Variants in PLAGL1 observed in about 807,000 individuals in gnomAD.
The protein encoded by PLAGL1 is PLAG1 like zinc finger 1.
PLAGL1 carries 1 observed loss-of-function variant against 4.6 expected under a neutral mutation model. The observed-to-expected ratio is 0.22, with a 90% confidence interval of 0.08 to 1.03. PLAGL1 has a LOEUF of 1.03. PLAGL1 is among the 50% of genes least tolerant of loss of function. The probability of loss-of-function intolerance (pLI) is 0.58; values close to 1 mark genes in which losing one functional copy is unlikely to be tolerated. For synonymous variants in PLAGL1, 240 were observed against 237.8 expected (o/e 1.01, Z -0.08); for missense variants, 464 against 570.4 (o/e 0.81, Z 1.90).
intron 1 of PLAGL1, among the ~76,000 whole-genome samples, chr6:143,988,445 G>C (rs903642404): frequency 6.6e-6 from 1 of 152,198 alleles, no homozygotes; most frequent in African/African-American, 2.4e-5. Flanking sequence ...CTTCATCAGA[G>C]GTTCTGGAGG....
At chr6:143,946,412 C>A (rs998881141) in intron 7 of PLAGL1, among the ~76,000 whole-genome samples, 2 of 152,202 alleles carry the variant, frequency 1.3e-5, no homozygotes, top group African/African-American at 4.8e-5. Flanking sequence ...TTACCCTCCG[C>A]ACACGCAAGA....
rs757399152 is a variant in PLAGL1 at position 143,941,485 on chromosome 6, T to C, written c.1331A>G (p.His444Arg). The C allele has an allele frequency of 1.2e-5, 18 of 1,521,246 alleles. No homozygotes were observed. The highest frequency in any genetic ancestry group is 1.4e-5 in the Non-Finnish European group (16 of 1,136,112). The allele number at this position is 1,521,246 out of a possible 1,614,324, so 94.2% of individuals were successfully genotyped here. Residue 444 changes from histidine to arginine, a missense_variant, in exon 8 of 8, where the codon CAT (histidine) becomes CGT (arginine). By Grantham distance (29) the His-to-Arg change is conservative. Around this residue, in one of 4 missense-constraint regions of PLAGL1, gnomAD observed 20 missense variants for 46.3 expected, o/e 0.43. Transcript: ENST00000674357. This position sits in a 1 kb window ranked among gnomAD's most constrained non-coding sequence, Gnocchi z 6.0. ...LGQLPLPPIPHVFSAGTGSAI... is the reference protein window; with the variant it reads ...LGQLPLPPIPRVFSAGTGSAI... ...AGAGCCAGTGCCAGCTGAGAACACA[T>C]GAGGGATGGGGGGCAGGGGGAGCTG...
In PLAGL1 at chr6:143,940,729, A is replaced by ATTTTTTTTTTTTTT. The variant is rs35981443; in HGVS notation, c.*681_*694dup. 6.8e-6 allele frequency: 1 copy of ATTTTTTTTTTTTTT among 147,360 alleles called. No individual in the cohort carries two copies. The highest frequency in any genetic ancestry group is 2.5e-5 in the African/African-American group (1 of 40,092). 9.1% of individuals were successfully genotyped at this position (147,360 alleles called of 1,614,324 possible). On this transcript the variant is annotated 3_prime_UTR_variant, in exon 8 of 8. Coordinates refer to ENST00000674357, the MANE Select transcript of PLAGL1 (RefSeq NM_001317162.2). ...TACCACTTAACCTGGTTACACAGTG[A>ATTTTTTTTTTTTTT]TTTTTTTTTTTTTTCTGTCAGATGT...
At chr6:144,041,889 T>C (rs1797764794) in intron 1 of PLAGL1, among the ~76,000 whole-genome samples, 1 of 152,232 alleles carries the variant, frequency 6.6e-6, no homozygotes, top group South Asian at 2.1e-4. Context: ...TGGTGTGAGA[T>C]GGTATCTCAT....
rs1367976366 is a variant in PLAGL1, at chr6:143,949,259, T to C, written c.-324-799A>G. On this transcript the variant is annotated intron_variant, in intron 6 of 7. Coordinates refer to ENST00000674357, the MANE Select transcript of PLAGL1 (RefSeq NM_001317162.2). The surrounding 1 kb of genome is among the most constrained non-coding windows in gnomAD (Gnocchi z 5.3). ...GGCCTACTGCCTCCTCAAACCCAACTTGTCTCAAACCCAAATCATTATCAT... is the reference window on the plus strand; with the variant it reads ...GGCCTACTGCCTCCTCAAACCCAACCTGTCTCAAACCCAAATCATTATCAT... Among the ~76,000 whole-genome samples, 2 of 151,980 alleles carry C rather than the reference T, an allele frequency of 1.3e-5. No individual in the cohort carries two copies. Among genetic ancestry groups the C allele is most frequent in the Non-Finnish European group, 2.9e-5 (2 of 68,020 alleles).
intron 1 of PLAGL1, among the ~76,000 whole-genome samples, chr6:144,033,532 A>G (rs1796989529): frequency 6.6e-6 from 1 of 152,248 alleles, no homozygotes; most frequent in South Asian, 2.1e-4. Flanking sequence ...GGTACCAGTG[A>G]GAGTTCAGAA....
At chr6:143,956,031 A>G (rs1782048974) in intron 6 of PLAGL1, among the ~76,000 whole-genome samples, 1 of 152,244 alleles carries the variant, frequency 6.6e-6, no homozygotes. Flanking sequence ...CATTCGGGCC[A>G]GCAAGGAGAC....
In PLAGL1 at chr6:143,964,839, A is replaced by G. The variant is rs1784108333; in HGVS notation, c.-430-21T>C. Reference sequence around the variant, plus strand: ...AATACCTAGAAAGGGAGAGACACACAAAGTTATCTTTAAGGTCTTTATCTT... The same window carrying G: ...AATACCTAGAAAGGGAGAGACACACGAAGTTATCTTTAAGGTCTTTATCTT... On this transcript the variant is annotated intron_variant, in intron 4 of 7. Transcript: ENST00000674357. The surrounding 1 kb of genome is among the most constrained non-coding windows in gnomAD (Gnocchi z 4.3). 6.6e-6 allele frequency: 1 copy of G among 152,244 alleles called. No individual in the cohort carries two copies. Among genetic ancestry groups the G allele is most frequent in the South Asian group, 2.1e-4 (1 of 4,836 alleles). The allele number at this position is 152,244 out of a possible 1,614,324, so 9.4% of individuals were successfully genotyped here.
chr6:143,945,341 T>C lies in PLAGL1; in HGVS notation c.152+2644A>G, dbSNP rs1489976471. Among the ~76,000 whole-genome samples, 3 of 152,224 alleles carry C rather than the reference T, an allele frequency of 2.0e-5. No homozygotes were observed. Among genetic ancestry groups the C allele is most frequent in the Non-Finnish European group, 2.9e-5 (2 of 68,038 alleles). On this transcript the variant is annotated intron_variant, in intron 7 of 7. Transcript: ENST00000674357. The surrounding 1 kb of genome is among the most constrained non-coding windows in gnomAD (Gnocchi z 4.2). Reference sequence around the variant, plus strand: ...TTATTTAGAGGTTGATTGCTCACATTAGGACCTCCAACCTTGCCAAATCAT... The same window carrying C: ...TTATTTAGAGGTTGATTGCTCACATCAGGACCTCCAACCTTGCCAAATCAT...
chr6:144,011,824 A>G (rs547917620), upstream of PLAGL1, among the ~76,000 whole-genome samples: 184 of 152,320 alleles, frequency 1.2e-3, no homozygotes, highest in African/African-American at 4.2e-3. This position sits in a 1 kb window ranked among gnomAD's most constrained non-coding sequence, Gnocchi z 4.3. Flanking sequence ...CCAAGGGAAC[A>G]TCCCATGCCT....
rs1791892173 is a variant in PLAGL1 at position 143,997,463 on chromosome 6, T to A, written c.-584+10627A>T. ...AAATACAAAAAGAACTACCTATTGA[T>A]AGATGCATCAACACAGATGACTCTA... is the stretch of plus-strand genomic sequence containing the variant. On this transcript the variant is annotated intron_variant, in intron 1 of 7. Transcript: ENST00000674357. The surrounding 1 kb of genome is among the most constrained non-coding windows in gnomAD (Gnocchi z 4.6). 6.6e-6 allele frequency among the ~76,000 whole-genome samples: 1 copy of A among 152,172 alleles called. No homozygotes were observed. Among genetic ancestry groups the A allele is most frequent in the Non-Finnish European group, 1.5e-5 (1 of 68,034 alleles).
At position 143,941,881 on chromosome 6, in the gene PLAGL1, G is replaced by A. The variant is rs771206023; in HGVS notation, c.935C>T (p.Pro312Leu). The A allele has an allele frequency of 1.2e-6, 2 of 1,613,914 alleles. No individual in the cohort carries two copies. Among genetic ancestry groups the A allele is most frequent in the African/African-American group, 2.7e-5 (2 of 74,944 alleles). ...KYNTTSTSYS[P>L]LASLPLKADT... ...TGCTTTGAGGGGCAGGCTTGCAAGT[G>A]GGGAGTATGAGGTAGAAGTGGTGTT... The change falls in exon 8 of 8, where the codon CCA (proline) becomes CTA (leucine). Residue 312 changes from proline (P) to leucine (L), a missense_variant. Around this residue, in one of 4 missense-constraint regions of PLAGL1, gnomAD observed 248 missense variants for 250.1 expected, o/e 0.99. Transcript: ENST00000674357. The surrounding 1 kb of genome is among the most constrained non-coding windows in gnomAD (Gnocchi z 6.0).
chr6:144,027,230 C>CGAAGGAAA lies in PLAGL1; in HGVS notation c.-151+37237_-151+37238insTTTCCTTC, dbSNP rs761735778. On this transcript the variant is annotated intron_variant, in intron 1 of 3. Transcript: ENST00000437412. The surrounding 1 kb of genome is among the most constrained non-coding windows in gnomAD (Gnocchi z 5.8). ...CAGAGAAAGACCCCAACTCAAAGAA[C>CGAAGGAAA]GAACGAAAGAAAGAAAGAAAGAAAG... is the stretch of plus-strand genomic sequence containing the variant. Among the ~76,000 whole-genome samples the CGAAGGAAA allele has an allele frequency of 3.0e-5, 3 of 99,106 alleles. No individual in the cohort carries two copies. The highest frequency in any genetic ancestry group is 1.2e-4 in the African/African-American group (3 of 24,100). The allele number at this position is 99,106 out of a possible 152,430, so 65.0% of individuals were successfully genotyped here.
At chr6:144,010,360 CAA>C (rs1227774867), upstream of PLAGL1, among the ~76,000 whole-genome samples, 1 of 152,092 alleles carries the variant, frequency 6.6e-6, no homozygotes, top group African/African-American at 2.4e-5. The surrounding 1 kb of genome is among the most constrained non-coding windows in gnomAD (Gnocchi z 4.1). Context: ...ACAATGGCGA[CAA>C]AGAGAATAAA....
chr6:143,983,657 T>A lies in PLAGL1; in HGVS notation c.-544+1478A>T, dbSNP rs1411469486. On this transcript the variant is annotated intron_variant, in intron 2 of 7. Transcript: ENST00000674357. The surrounding 1 kb of genome is among the most constrained non-coding windows in gnomAD (Gnocchi z 6.6). ...GGGAGGGACAGAGAAGATGAGTGGATGAGTGATTTTAATGAGAGGGTAGGC... is the reference window on the plus strand; with the variant it reads ...GGGAGGGACAGAGAAGATGAGTGGAAGAGTGATTTTAATGAGAGGGTAGGC... Among the ~76,000 whole-genome samples the A allele has an allele frequency of 6.6e-6, 1 of 151,880 alleles. No homozygotes were observed. Among genetic ancestry groups the A allele is most frequent in the Non-Finnish European group, 1.5e-5 (1 of 67,946 alleles).
At position 143,968,019 on chromosome 6, in the gene PLAGL1, C is replaced by T. The variant is rs1363531349; in HGVS notation, c.-472+888G>A. ...TTGCAAAAAAAAAAAAAAAAAAAAACAGTCTGGAGAGAGGCCAAGAGTTAT... is the reference window on the plus strand; with the variant it reads ...TTGCAAAAAAAAAAAAAAAAAAAAATAGTCTGGAGAGAGGCCAAGAGTTAT... On this transcript the variant is annotated intron_variant, in intron 3 of 7. Coordinates refer to ENST00000674357, the MANE Select transcript of PLAGL1 (RefSeq NM_001317162.2). This position sits in a 1 kb window ranked among gnomAD's most constrained non-coding sequence, Gnocchi z 6.3. 4.1e-5 allele frequency: 2 copies of T among 48,454 alleles called. No individual in the cohort carries two copies. The highest frequency in any genetic ancestry group is 1.3e-3 in the South Asian group (2 of 1,592). The allele number at this position is 48,454 out of a possible 1,614,324, so 3.0% of individuals were successfully genotyped here. A position where few individuals can be genotyped will look rare whatever the true frequency, so the allele number is the denominator to read the frequency against.
At chr6:143,976,407 C>G (rs1786563604) in intron 2 of PLAGL1, among the ~76,000 whole-genome samples, 1 of 148,790 alleles carries the variant, frequency 6.7e-6, no homozygotes, top group Admixed American at 6.8e-5. Flanking sequence ...AAAATTTCAT[C>G]CAAGGCCTTG....
In PLAGL1 at chr6:143,960,508, C is replaced by G. The variant is rs570633358; in HGVS notation, c.-364G>C. 1.1e-4 allele frequency: 16 copies of G among 152,272 alleles called. 1 individual carries two copies. The highest frequency in any genetic ancestry group is 3.9e-4 in the African/African-American group (16 of 41,542). 9.4% of individuals were successfully genotyped at this position (152,272 alleles called of 1,614,324 possible). A position where few individuals can be genotyped will look rare whatever the true frequency, so the allele number is the denominator to read the frequency against. Reference sequence around the variant, plus strand: ...GGAACATCTGCTGCGAGGCAGGGACCGAGTCCTCCCAGAAGTTTGTCTGAA... The same window carrying G: ...GGAACATCTGCTGCGAGGCAGGGACGGAGTCCTCCCAGAAGTTTGTCTGAA... On this transcript the variant is annotated 5_prime_UTR_variant, in exon 6 of 8. Coordinates refer to ENST00000674357, the MANE Select transcript of PLAGL1 (RefSeq NM_001317162.2). This position sits in a 1 kb window ranked among gnomAD's most constrained non-coding sequence, Gnocchi z 5.7.
rs559554597 is a variant in PLAGL1, at chr6:143,990,457, C to T, written c.-583-5283G>A. On this transcript the variant is annotated intron_variant, in intron 1 of 7. Coordinates refer to ENST00000674357, the MANE Select transcript of PLAGL1 (RefSeq NM_001317162.2). This position sits in a 1 kb window ranked among gnomAD's most constrained non-coding sequence, Gnocchi z 5.4. ...TTTTAAAGAACAAAACCTTCATTGA[C>T]CTCCTGGTCCCACTATACTCCCACC... is the stretch of plus-strand genomic sequence containing the variant. Among the ~76,000 whole-genome samples, 1 of 152,186 alleles carries T rather than the reference C, an allele frequency of 6.6e-6. No homozygotes were observed. Among genetic ancestry groups the T allele is most frequent in the African/African-American group, 2.4e-5 (1 of 41,536 alleles).
Sources: gnomAD v4.1 joint callset for allele counts (sites outside exome capture counted in the v4.1 genomes callset) on GRCh38, gnomAD v4.1.1 for gene constraint, gnomAD v4.1.1 regional missense constraint, Gnocchi (gnomAD v3.1) non-coding constraint, MANE v1.5 for transcripts, NCBI Gene and HGNC (gene_info 2026-07-23, HGNC 2026-07-21) for gene names.